The following ASAP1 variants were observed in gnomAD, a reference collection of about 807,000 sequenced individuals.
The protein encoded by ASAP1 is arf-GAP with SH3 domain, ANK repeat and PH domain-containing protein 1.
In ASAP1, 43 loss-of-function variants were observed where a neutral mutation model predicts 145.2. That is an observed-to-expected ratio of 0.30 (90% CI 0.23 to 0.38). ASAP1 has a LOEUF of 0.38. ASAP1 is among the 10% of genes least tolerant of loss of function. The pLI is 1.00. For missense variants in ASAP1, 1,018 were observed against 1,355.3 expected (o/e 0.75, Z 3.91); for synonymous variants, 546 against 515.5 (o/e 1.06, Z -0.80).
intron 4 of ASAP1, among the ~76,000 whole-genome samples, chr8:130,225,020 C>A (rs1301377433): frequency 6.6e-6 from 1 of 152,180 alleles, no homozygotes; most frequent in Non-Finnish European, 1.5e-5. Context: ...TTTTTTAATT[C>A]TGGCCACATG....
At chr8:130,112,069 C>A in intron 24 of ASAP1, 25 bp downstream of exon 24, 2 of 1,597,866 alleles carry the variant, frequency 1.3e-6, no homozygotes, top group South Asian at 2.2e-5. Flanking sequence ...AGGATGGAGT[C>A]ACAAGCCCTT....
chr8:130,157,748 T>C (rs1219906037), intron 12 of ASAP1, among the ~76,000 whole-genome samples: 7 of 152,200 alleles, frequency 4.6e-5, no homozygotes, highest in Admixed American at 2.6e-4. Flanking sequence ...CCCAGGTATC[T>C]GCATAGATTT....
intron 24 of ASAP1, among the ~76,000 whole-genome samples, chr8:130,102,565 G>T (rs1592804003): frequency 1.3e-5 from 2 of 152,106 alleles, no homozygotes; most frequent in African/African-American, 4.8e-5. Flanking sequence ...TTCTTTTTTT[G>T]TTGTGTCCTT....
intron 3 of ASAP1, among the ~76,000 whole-genome samples, chr8:130,330,092 C>A (rs1824586121): frequency 6.6e-6 from 1 of 152,224 alleles, no homozygotes; most frequent in African/African-American, 2.4e-5. Flanking sequence ...AAATGAATCA[C>A]TCCCACACAC....
At position 130,067,781 on chromosome 8, in the gene ASAP1, T is replaced by C. The variant is rs964724098; in HGVS notation, c.2702-6712A>G. On this transcript the variant is annotated intron_variant, in intron 27 of 29. Transcript: ENST00000518721. ...TTTTCATCCACAAAAGGAACGGTGA[T>C]AAAAGTGTACATAGCACACTGCGGC... Among the ~76,000 whole-genome samples, 3 of 152,312 alleles carry C rather than the reference T, an allele frequency of 2.0e-5. No homozygotes were observed. In the South Asian group the frequency reaches 6.2e-4, roughly 32 times the overall value.
At chr8:130,139,595 G>A (rs187870282) in intron 13 of ASAP1, among the ~76,000 whole-genome samples, 174 of 152,082 alleles carry the variant, frequency 1.1e-3, no homozygotes, top group Middle Eastern at 0.01. Context: ...TAAGCATGAC[G>A]GCGCATGCCT....
intron 11 of ASAP1, among the ~76,000 whole-genome samples, chr8:130,164,170 CTGTCAAACCTGCAAACGATAATG>C (rs1481449518): frequency 1.3e-5 from 2 of 152,200 alleles, no homozygotes; most frequent in Non-Finnish European, 2.9e-5. Context: ...AACAAAGAAT[CTGTCAAACCTGCAAACGATAATG>C]TGATGGGGTT....
rs373660815 is a variant in ASAP1 at position 130,347,441 on chromosome 8, G to C, written c.186+10576C>G. Reference sequence around the variant, plus strand: ...CATCTGCCTCCCTTATATTCCTACTGATTCTCCCAACAGCTGTGAAGTACC... The same window carrying C: ...CATCTGCCTCCCTTATATTCCTACTCATTCTCCCAACAGCTGTGAAGTACC... On this transcript the variant is annotated intron_variant, in intron 3 of 29. Coordinates refer to ENST00000518721, the MANE Select transcript of ASAP1 (RefSeq NM_018482.4). Among the ~76,000 whole-genome samples, 209 of 152,296 alleles carry C rather than the reference G, an allele frequency of 1.4e-3. 1 individual carries two copies. Among genetic ancestry groups the C allele is most frequent in the African/African-American group, 4.4e-3 (183 of 41,572 alleles).
At chr8:130,256,272 A>G (rs951615602) in intron 3 of ASAP1, among the ~76,000 whole-genome samples, 1 of 152,068 alleles carries the variant, frequency 6.6e-6, no homozygotes. Context: ...TGTTTTCCTC[A>G]GGTTTTTTGT....
intron 3 of ASAP1, among the ~76,000 whole-genome samples, chr8:130,263,900 G>GT (rs1482864742): frequency 6.6e-6 from 1 of 152,210 alleles, no homozygotes; most frequent in Non-Finnish European, 1.5e-5. Flanking sequence ...GCAGTTCAGT[G>GT]TGTCTAAAGT....
intron 4 of ASAP1, among the ~76,000 whole-genome samples, chr8:130,215,529 G>A (rs917614437): frequency 6.6e-6 from 1 of 152,084 alleles, no homozygotes; most frequent in Non-Finnish European, 1.5e-5. Flanking sequence ...CGATCACGAG[G>A]TCAGGAGATC....
At position 130,210,061 on chromosome 8, in the gene ASAP1, T is replaced by C. The variant is rs139552447; in HGVS notation, c.405+4495A>G. Among the ~76,000 whole-genome samples the C allele has an allele frequency of 1.1e-3, 170 of 152,344 alleles. 2 individuals carry two copies. The highest frequency in any genetic ancestry group is 2.0e-3 in the Non-Finnish European group (139 of 68,018). On this transcript the variant is annotated intron_variant, in intron 5 of 29. Transcript: ENST00000518721. ...ATAACATTTAAGGAAGGACTACTTA[T>C]GAAGTTTTTATGTAGTATCAAAGAT...
chr8:130,106,837 A>G (rs1363331112), intron 24 of ASAP1, among the ~76,000 whole-genome samples: 1 of 152,170 alleles, frequency 6.6e-6, no homozygotes, highest in Non-Finnish European at 1.5e-5. Context: ...TCCTCCAGGA[A>G]TACTCCCTAG....
chr8:130,305,705 C>T lies in ASAP1; in HGVS notation c.186+52312G>A, dbSNP rs78492421. Reference sequence around the variant, plus strand: ...TTCATTTTTATATCCATCACTTAACCATCTCCATTTTATAAATCGAGAAAA... The same window carrying T: ...TTCATTTTTATATCCATCACTTAACTATCTCCATTTTATAAATCGAGAAAA... On this transcript the variant is annotated intron_variant, in intron 3 of 29. Coordinates refer to ENST00000518721, the MANE Select transcript of ASAP1 (RefSeq NM_018482.4). Among the ~76,000 whole-genome samples the T allele has an allele frequency of 5.6e-3, 848 of 152,248 alleles. 9 individuals are homozygous for T. Among genetic ancestry groups the T allele is most frequent in the African/African-American group, 0.02 (819 of 41,540 alleles).
chr8:130,303,472 T>C (rs1044791760), intron 3 of ASAP1, among the ~76,000 whole-genome samples: 3 of 152,084 alleles, frequency 2.0e-5, no homozygotes, highest in African/African-American at 7.2e-5. Context: ...TACCACTTAG[T>C]TGGTGACCAA....
intron 2 of ASAP1, among the ~76,000 whole-genome samples, chr8:130,381,749 C>T (rs1827778819): frequency 6.6e-6 from 1 of 152,210 alleles, no homozygotes; most frequent in Non-Finnish European, 1.5e-5. Context: ...CCTTTGTCCT[C>T]TCTTCTCACT....
chr8:130,292,634 T>C (rs994671072), intron 3 of ASAP1, among the ~76,000 whole-genome samples: 2 of 152,192 alleles, frequency 1.3e-5, no homozygotes, highest in Admixed American at 6.5e-5. Flanking sequence ...ACTATAATTG[T>C]CTCACGTTCC....
chr8:130,422,033 G>A (rs964683023), intron 1 of ASAP1, among the ~76,000 whole-genome samples: 1 of 152,174 alleles, frequency 6.6e-6, no homozygotes, highest in Non-Finnish European at 1.5e-5. Context: ...AGGTAGAGGG[G>A]GTGGGCACAA....
intron 2 of ASAP1, among the ~76,000 whole-genome samples, chr8:130,401,270 G>C (rs929420942): frequency 6.7e-6 from 1 of 149,826 alleles, no homozygotes; most frequent in Non-Finnish European, 1.5e-5. Flanking sequence ...TTTTGAGAAG[G>C]AGTCTCACTC....
Sources: gnomAD v4.1 joint callset for allele counts (sites outside exome capture counted in the v4.1 genomes callset) on GRCh38, gnomAD v4.1.1 for gene constraint, MANE v1.5 for transcripts, NCBI Gene and HGNC (gene_info 2026-07-23, HGNC 2026-07-21) for gene names.